PPP1R21: variants seen among roughly 807,000 people sequenced by gnomAD.
PPP1R21 encodes protein phosphatase 1 regulatory subunit 21, also known as KLRAQ motif containing 1.
A neutral mutation model predicts 112.8 loss-of-function variants in PPP1R21; 85 were observed. That is an observed-to-expected ratio of 0.75 (90% CI 0.63 to 0.90). The LOEUF is 0.90. Ranked by LOEUF, PPP1R21 falls within the 40% of genes least tolerant of loss-of-function variation. The pLI is 0.00. For synonymous variants in PPP1R21, 381 were observed against 322.3 expected, an observed-to-expected ratio of 1.18 and a Z score of -1.95; for missense variants, 1,199 against 901.5, an observed-to-expected ratio of 1.33 and a Z score of -4.23.
At chr2:48,483,733 C>T (rs1379464844) in intron 13 of PPP1R21, among the ~76,000 whole-genome samples, 2 of 152,142 alleles carry the variant, frequency 1.3e-5, no homozygotes, top group Non-Finnish European at 2.9e-5. Context: ...AGGTACCGCG[C>T]CTGGCCAAGA....
chr2:48,448,189 C>T (rs961883112), intron 1 of PPP1R21, among the ~76,000 whole-genome samples: 2 of 152,124 alleles, frequency 1.3e-5, no homozygotes, highest in African/African-American at 2.4e-5. Context: ...ATAACAGTTT[C>T]TTAAAAAGCT....
At chr2:48,456,161 C>T (rs1484170902) in intron 3 of PPP1R21, among the ~76,000 whole-genome samples, 12 of 151,152 alleles carry the variant, frequency 7.9e-5, no homozygotes, top group Non-Finnish European at 1.6e-4. Flanking sequence ...AGTTTTTTTG[C>T]CTTATGGTTT....
At chr2:48,504,725 C>T (rs1670293241) in intron 17 of PPP1R21, among the ~76,000 whole-genome samples, 1 of 152,202 alleles carries the variant, frequency 6.6e-6, no homozygotes, top group Non-Finnish European at 1.5e-5. Context: ...CCAGTAGTTT[C>T]CTTGTCATTG....
intron 20 of PPP1R21, 43 bp from the exon 21 acceptor site, chr2:48,511,297 G>T (rs760011555): frequency 1.5e-5 from 23 of 1,579,750 alleles, no homozygotes; most frequent in South Asian, 2.4e-5. Context: ...AGAGTGGTAC[G>T]ACTCGTGGGA....
chr2:48,454,476 T>C, intron 2 of PPP1R21, 119 bp from the exon 3 acceptor site: 1 of 1,274,420 alleles, frequency 7.8e-7, no homozygotes, highest in Non-Finnish European at 1.1e-6. Context: ...ACATACAACC[T>C]GAATTTCCTA....
At chr2:48,509,929 A>T in intron 19 of PPP1R21, 86 bp from the exon 20 acceptor site, 1 of 820,754 alleles carries the variant, frequency 1.2e-6, no homozygotes, top group Non-Finnish European at 1.9e-6. Context: ...TTTGGCTTTG[A>T]GAAGTGTTTT....
intron 19 of PPP1R21, among the ~76,000 whole-genome samples, chr2:48,508,933 A>G (rs1670508959): frequency 2.0e-5 from 3 of 152,210 alleles, no homozygotes; most frequent in African/African-American, 7.2e-5. Flanking sequence ...ATTGGTAAAC[A>G]GGAAGTGGTG....
At chr2:48,497,004 T>C (rs964724152) in intron 16 of PPP1R21, among the ~76,000 whole-genome samples, 1 of 152,246 alleles carries the variant, frequency 6.6e-6, no homozygotes, top group African/African-American at 2.4e-5. Context: ...TAAACATGTT[T>C]CCCTGACTTC....
intron 8 of PPP1R21, among the ~76,000 whole-genome samples, 198 bp from the exon 9 acceptor site, chr2:48,465,295 C>T (rs1668151209): frequency 6.6e-6 from 1 of 152,070 alleles, no homozygotes; most frequent in South Asian, 2.1e-4. Context: ...GGGTTAAGTG[C>T]AGGAGGTGTA....
intron 20 of PPP1R21, among the ~76,000 whole-genome samples, chr2:48,510,663 G>T (rs1298573438): frequency 6.6e-6 from 1 of 152,198 alleles, no homozygotes; most frequent in Non-Finnish European, 1.5e-5. Context: ...TAGATTTTAG[G>T]CAGCAGAAGA....
chr2:48,476,033 G>A (rs1020317971), intron 12 of PPP1R21, among the ~76,000 whole-genome samples: 1 of 152,042 alleles, frequency 6.6e-6, no homozygotes, highest in Non-Finnish European at 1.5e-5. Context: ...AATGTGCATT[G>A]TCACTACAGT....
At position 48,491,312 on chromosome 2, in the gene PPP1R21, G is replaced by A. The variant is rs939232670; in HGVS notation, c.1599+142G>A. The A allele has an allele frequency of 1.7e-5, 15 of 896,420 alleles. No individual in the cohort carries two copies. In the Admixed American group the frequency reaches 4.6e-4, roughly 27 times the overall value. The allele number at this position is 896,420 out of a possible 1,614,324, so 55.5% of individuals were successfully genotyped here. Reference sequence around the variant, plus strand: ...GGTTGTTGGTGGGTGTTGGGGGAGGGCTGTGGGGAAGAGGAGGTGACAGGA... The same window carrying A: ...GGTTGTTGGTGGGTGTTGGGGGAGGACTGTGGGGAAGAGGAGGTGACAGGA... On this transcript the variant is annotated intron_variant, in intron 15 of 21. Coordinates refer to ENST00000294952, the MANE Select transcript of PPP1R21 (RefSeq NM_001135629.3).
intron 1 of PPP1R21, among the ~76,000 whole-genome samples, chr2:48,449,954 C>T (rs1667404673): frequency 1.3e-5 from 2 of 152,112 alleles, no homozygotes; most frequent in Non-Finnish European, 2.9e-5. Flanking sequence ...ATACTTTCCT[C>T]TTATTACAGA....
Position 48,461,226 on chromosome 2 carries a change from G to A in PPP1R21, c.688G>A (p.Asp230Asn). 1 of 1,558,322 alleles carries A rather than the reference G, an allele frequency of 6.4e-7. No homozygotes were observed. The highest frequency in any genetic ancestry group is 8.6e-7 in the Non-Finnish European group (1 of 1,157,834). The part of the protein sequence containing the change: ...SIINEKVPFN[D>N]TKYSQYNALN... ...CATCAATGAAAAAGTACCTTTTAAT[G>A]ATACAAGTAGGTATTATGTACAGTT... is the stretch of plus-strand genomic sequence containing the variant. The change falls in exon 7 of 22, where the codon GAT becomes AAT. Residue 230 changes from aspartate (D) to asparagine (N), a missense_variant. Asp to Asn is a conservative substitution (Grantham distance 23, BLOSUM62 1). Coordinates refer to ENST00000294952, the MANE Select transcript of PPP1R21 (RefSeq NM_001135629.3).
chr2:48,494,091 A>G (rs987608451), intron 15 of PPP1R21, among the ~76,000 whole-genome samples: 1 of 146,246 alleles, frequency 6.8e-6, no homozygotes, highest in Non-Finnish European at 1.5e-5. Context: ...ATAGCCTGGC[A>G]TGGTGGTGCA....
At chr2:48,495,262 G>T (rs148917083) in intron 15 of PPP1R21, among the ~76,000 whole-genome samples, 1 of 151,808 alleles carries the variant, frequency 6.6e-6, no homozygotes, top group East Asian at 1.9e-4. Context: ...AGAGTGCAAT[G>T]GCACAATCTC....
At chr2:48,491,230 T>G (rs1237048797) in intron 15 of PPP1R21, 60 bp downstream of exon 15, 4 of 1,550,032 alleles carry the variant, frequency 2.6e-6, no homozygotes, top group African/African-American at 1.4e-5. Flanking sequence ...TTCTAGAGAA[T>G]GGCAAGAGTT....
intron 1 of PPP1R21, among the ~76,000 whole-genome samples, chr2:48,448,736 A>G (rs1667354615): frequency 6.6e-6 from 1 of 152,240 alleles, no homozygotes; most frequent in African/African-American, 2.4e-5. Flanking sequence ...TAAAAAGTAG[A>G]ACACTACATC....
At chr2:48,500,535 T>C (rs1670063850) in intron 17 of PPP1R21, among the ~76,000 whole-genome samples, 1 of 151,774 alleles carries the variant, frequency 6.6e-6, no homozygotes, top group Non-Finnish European at 1.5e-5. Context: ...AAATAGAAAA[T>C]AATAACAATT....
Sources: allele counts gnomAD v4.1 joint callset (sites outside exome capture counted in the v4.1 genomes callset), GRCh38; gene constraint gnomAD v4.1.1; transcripts MANE v1.5; gene names NCBI Gene and HGNC (gene_info 2026-07-23, HGNC 2026-07-21).